The following LHFPL3 variants were observed in gnomAD, a reference collection of about 807,000 sequenced individuals.
The protein encoded by LHFPL3 is LHFPL tetraspan subfamily member 3.
A neutral mutation model predicts 19.3 loss-of-function variants in LHFPL3; 5 were observed. The ratio of observed to expected loss-of-function variants is 0.26; its 90% CI spans 0.14 to 0.54. The LOEUF is 0.54. LHFPL3 is among the 20% of genes least tolerant of loss of function. The probability of loss-of-function intolerance (pLI) is 0.94; values close to 1 mark genes in which losing one functional copy is unlikely to be tolerated. For synonymous variants in LHFPL3, 133 were observed against 126.2 expected, an observed-to-expected ratio of 1.05 and a Z score of -0.36; for missense variants, 249 against 307.4, an observed-to-expected ratio of 0.81 and a Z score of 1.42.
rs181443398 is a variant in LHFPL3 at position 104,467,333 on chromosome 7, C to T, written c.445+138109C>T. Among the ~76,000 whole-genome samples the T allele has an allele frequency of 1.9e-3, 295 of 152,302 alleles. 2 individuals carry two copies. Among genetic ancestry groups the T allele is most frequent in the African/African-American group, 6.8e-3 (284 of 41,556 alleles). ...ATTGGGTAGGGGCATAAAAGTTTAA[C>T]TCACATCTCAGCAACTTAATAACAT... is the stretch of plus-strand genomic sequence containing the variant. On this transcript the variant is annotated intron_variant, in intron 1 of 2. Transcript: ENST00000424859.
chr7:104,424,842 C>T lies in LHFPL3; in HGVS notation c.445+95618C>T, dbSNP rs553477088. Among the ~76,000 whole-genome samples the T allele has an allele frequency of 1.3e-4, 19 of 151,954 alleles. No homozygotes were observed. The South Asian group carries it at 2.3e-3, about 18-fold the overall frequency. ...CTGTCTCTACAAAAAATTAGCCGGG[C>T]GTGGTGGTGGGCACCTGTAGTCCCA... is the stretch of plus-strand genomic sequence containing the variant. On this transcript the variant is annotated intron_variant, in intron 1 of 2. Coordinates refer to ENST00000424859, the MANE Select transcript of LHFPL3 (RefSeq NM_199000.3).
At chr7:104,853,490 A>G (rs565400133) in intron 2 of LHFPL3, among the ~76,000 whole-genome samples, 2 of 152,062 alleles carry the variant, frequency 1.3e-5, no homozygotes, top group East Asian at 3.8e-4. Context: ...TTCCAGGGAC[A>G]AAAATGCAGA....
At chr7:104,745,196 G>A (rs1006085277) in intron 2 of LHFPL3, among the ~76,000 whole-genome samples, 27 of 152,090 alleles carry the variant, frequency 1.8e-4, no homozygotes, top group African/African-American at 3.9e-4. Flanking sequence ...CGCAGGAGTC[G>A]GCTGCAGGGT....
chr7:104,407,784 T>C (rs1285766605), intron 1 of LHFPL3, among the ~76,000 whole-genome samples: 2 of 152,238 alleles, frequency 1.3e-5, no homozygotes, highest in Admixed American at 1.3e-4. Flanking sequence ...AAGTCCTTCA[T>C]GCTTTGTCTC....
intron 1 of LHFPL3, among the ~76,000 whole-genome samples, chr7:104,467,706 C>A (rs559658547): frequency 1.3e-5 from 2 of 152,270 alleles, no homozygotes; most frequent in East Asian, 3.9e-4. Context: ...TAGATACACT[C>A]GGACAGGATT....
chr7:104,380,309 A>C (rs1790803056), intron 1 of LHFPL3, among the ~76,000 whole-genome samples: 1 of 152,196 alleles, frequency 6.6e-6, no homozygotes, highest in Non-Finnish European at 1.5e-5. Flanking sequence ...ATATGTATTA[A>C]ATATATTCAG....
At chr7:104,825,800 C>G (rs543343133) in intron 2 of LHFPL3, among the ~76,000 whole-genome samples, 1 of 151,794 alleles carries the variant, frequency 6.6e-6, no homozygotes, top group Non-Finnish European at 1.5e-5. Context: ...GCATTTTAGA[C>G]AAAAAGAAGG....
chr7:104,870,467 G>A (rs1161529877), intron 2 of LHFPL3, among the ~76,000 whole-genome samples: 1 of 152,200 alleles, frequency 6.6e-6, no homozygotes, highest in Non-Finnish European at 1.5e-5. Flanking sequence ...AGGTGAAAAT[G>A]TATGAAAGCT....
chr7:104,421,383 A>G (rs760129803), intron 1 of LHFPL3, among the ~76,000 whole-genome samples: 1 of 152,160 alleles, frequency 6.6e-6, no homozygotes, highest in Non-Finnish European at 1.5e-5. Flanking sequence ...ACAAACCTCA[A>G]CATGTTACAG....
chr7:104,798,794 T>G (rs1015572352), intron 2 of LHFPL3, among the ~76,000 whole-genome samples: 1 of 152,190 alleles, frequency 6.6e-6, no homozygotes, highest in Non-Finnish European at 1.5e-5. Context: ...CTTCCATATA[T>G]TCATCTACAT....
chr7:104,700,863 T>C (rs929935596), intron 1 of LHFPL3, among the ~76,000 whole-genome samples: 2 of 152,192 alleles, frequency 1.3e-5, no homozygotes, highest in Admixed American at 6.5e-5. Flanking sequence ...TTTCTTTCCA[T>C]AGAGCCCTTC....
At chr7:104,366,893 A>G (rs1790505007) in intron 1 of LHFPL3, among the ~76,000 whole-genome samples, 2 of 152,246 alleles carry the variant, frequency 1.3e-5, no homozygotes. Flanking sequence ...AAAGATAGCC[A>G]GGAAAGAAAA....
intron 2 of LHFPL3, among the ~76,000 whole-genome samples, chr7:104,867,182 C>A (rs1470809214): frequency 6.6e-6 from 1 of 152,080 alleles, no homozygotes; most frequent in Non-Finnish European, 1.5e-5. Context: ...GAAGCAAGAG[C>A]AAGCACATTC....
At chr7:104,674,929 A>G (rs974972640) in intron 1 of LHFPL3, among the ~76,000 whole-genome samples, 9 of 152,248 alleles carry the variant, frequency 5.9e-5, no homozygotes, top group African/African-American at 1.9e-4. Flanking sequence ...CAAGAAAAGA[A>G]ATACAGAAGT....
At chr7:104,843,238 T>C (rs1791248503) in intron 2 of LHFPL3, among the ~76,000 whole-genome samples, 1 of 152,236 alleles carries the variant, frequency 6.6e-6, no homozygotes, top group Non-Finnish European at 1.5e-5. Flanking sequence ...TGCATTTAAA[T>C]ATTTTTTAAA....
At chr7:104,668,882 C>A in intron 1 of LHFPL3, 1 of 1,612,118 alleles carries the variant, frequency 6.2e-7, no homozygotes, top group East Asian at 2.2e-5. Flanking sequence ...AGAACGGCTA[C>A]GAAGGAACAA....
intron 2 of LHFPL3, among the ~76,000 whole-genome samples, chr7:104,747,954 C>T (rs960855312): frequency 3.6e-4 from 55 of 152,184 alleles, no homozygotes; most frequent in African/African-American, 1.3e-3. Context: ...CAGATTGTTA[C>T]TGTGTCTGTG....
chr7:104,593,504 A>G (rs6950612), intron 1 of LHFPL3, among the ~76,000 whole-genome samples: 70,035 of 152,004 alleles, frequency 0.46, 16,272 homozygotes, highest in South Asian at 0.53. Context: ...GCCGAGAAGA[A>G]TGTATACTCT....
intron 1 of LHFPL3, among the ~76,000 whole-genome samples, chr7:104,365,311 AAAAT>A (rs1458927009): frequency 6.6e-6 from 1 of 152,074 alleles, no homozygotes; most frequent in African/African-American, 2.4e-5. Flanking sequence ...AAAAAAATAA[AAAAT>A]AAAAAAATAA....
Sources: gnomAD v4.1 joint callset for allele counts (sites outside exome capture counted in the v4.1 genomes callset) on GRCh38, gnomAD v4.1.1 for gene constraint, MANE v1.5 for transcripts, NCBI Gene and HGNC (gene_info 2026-07-23, HGNC 2026-07-21) for gene names.